The following SIRT4 variants were observed in gnomAD, a reference collection of about 807,000 sequenced individuals.
SIRT4 encodes the protein sirtuin 4, also known as NAD-dependent protein lipoamidase sirtuin-4, mitochondrial.
A neutral mutation model predicts 26.1 loss-of-function variants in SIRT4; 23 were observed. The observed-to-expected ratio is 0.88, with a 90% CI of 0.63 to 1.25. The LOEUF is 1.25. Among genes scored for constraint, SIRT4 ranks in the 50% most tolerant of loss-of-function variants. The pLI is 0.00. For missense variants in SIRT4, 361 were observed against 405.4 expected, an observed-to-expected ratio of 0.89 and a Z score of 0.94; for synonymous variants, 155 against 158.4, an observed-to-expected ratio of 0.98 and a Z score of 0.16.
In SIRT4 at chr12:120,313,231, T is replaced by C. The variant is rs1873066217; in HGVS notation, c.*195T>C. ...AACTCATTTTTTTTAAATAAAAAAT[T>C]GTTCAGCTTTATATGAAATGCTTCA... On this transcript the variant is annotated 3_prime_UTR_variant, in exon 4 of 4. Coordinates refer to ENST00000202967, the MANE Select transcript of SIRT4 (RefSeq NM_012240.3). 1.6e-6 allele frequency: 1 copy of C among 617,686 alleles called. No individual in the cohort carries two copies. Among genetic ancestry groups the C allele is most frequent in the Non-Finnish European group, 2.8e-6 (1 of 362,672 alleles). 38.3% of individuals were successfully genotyped at this position (617,686 alleles called of 1,614,324 possible).
At chr12:120,292,921 TA>T in the SIRT4 span, among the ~76,000 whole-genome samples, 4 of 152,218 alleles carry the variant, frequency 2.6e-5, no homozygotes, top group East Asian at 7.7e-4. Context: ...CCAACTTTCA[TA>T]AACGCAAATC....
chr12:120,307,264 C>T (rs769865582), intron 2 of SIRT4, among the ~76,000 whole-genome samples: 3 of 152,202 alleles, frequency 2.0e-5, no homozygotes, highest in Admixed American at 6.6e-5. Flanking sequence ...GCTGAGGGGG[C>T]GGATCACTTG....
chr12:120,304,054 G>A lies in SIRT4; in HGVS notation c.493G>A (p.Asp165Asn), dbSNP rs2136829888. 6.2e-7 allele frequency: 1 copy of A among 1,606,356 alleles called. No homozygotes were observed. The highest frequency in any genetic ancestry group is 8.5e-7 in the Non-Finnish European group (1 of 1,179,882). Residue 165 changes from aspartate to asparagine, a missense_variant, in exon 2 of 4, where the codon GAC becomes AAC. Coordinates refer to ENST00000202967, the MANE Select transcript of SIRT4 (RefSeq NM_012240.3). Reference protein sequence around the residue: ...RRLTELHGCMDRVLCLDCGEQ... With the variant: ...RRLTELHGCMNRVLCLDCGEQ... ...CCTGACAGAGCTCCACGGATGCATG[G>A]ACAGGTGCAGGAGCTGTACACGGTT...
chr12:120,293,039 C>G, the SIRT4 span: 1 of 149,580 alleles, frequency 6.7e-6, no homozygotes, highest in Non-Finnish European at 1.5e-5. Flanking sequence ...CCTCCCAAAA[C>G]CAAGCACCCC....
intron 2 of SIRT4, among the ~76,000 whole-genome samples, chr12:120,304,830 T>C (rs11065076): frequency 0.22 from 1,362 of 6,296 alleles, 50 homozygotes; most frequent in African/African-American, 0.4. Context: ...TATATATATA[T>C]ATATATTTTT....
chr12:120,292,132 T>C, the SIRT4 span, among the ~76,000 whole-genome samples: 1 of 152,206 alleles, frequency 6.6e-6, no homozygotes, highest in African/African-American at 2.4e-5. Context: ...CTTATGCAAA[T>C]CAACGTGACG....
the SIRT4 span, among the ~76,000 whole-genome samples, chr12:120,296,045 C>G: frequency 7.8e-6 from 1 of 128,528 alleles, no homozygotes; most frequent in Non-Finnish European, 1.6e-5. Context: ...TGAGATCATG[C>G]CACTGTAATC....
At chr12:120,299,145 C>T (rs545969673), upstream of SIRT4, among the ~76,000 whole-genome samples, 192 of 150,674 alleles carry the variant, frequency 1.3e-3, 1 homozygote, top group Non-Finnish European at 8.7e-4. Flanking sequence ...CGCGTGAACC[C>T]GGGAGGCGGA....
At chr12:120,305,728 G>A (rs1473848588) in intron 2 of SIRT4, among the ~76,000 whole-genome samples, 11 of 152,186 alleles carry the variant, frequency 7.2e-5, no homozygotes, top group African/African-American at 2.7e-4. Flanking sequence ...AGAAAATTGT[G>A]TAGGCTGGGC....
At chr12:120,306,246 T>G (rs1373086632) in intron 2 of SIRT4, among the ~76,000 whole-genome samples, 1 of 150,502 alleles carries the variant, frequency 6.6e-6, no homozygotes, top group Non-Finnish European at 1.5e-5. Context: ...GAGGCTGAGT[T>G]GGGCGGATCA....
Position 120,312,518 on chromosome 12 carries a change from TCC to T in SIRT4, c.561_562del (p.Leu188GlufsTer7). The stretch of plus-strand genomic sequence containing the variant: ...GGGGTGCTGCAAGAGCGTTTCCAAG[TCC>T]TGAACCCCACCTGGAGTGCTGAGGC... On this transcript the variant is annotated frameshift_variant, in exon 3 of 4. Transcript: ENST00000202967. LOFTEE classifies it high-confidence loss of function. 1 of 1,614,082 alleles carries T rather than the reference TCC, an allele frequency of 6.2e-7. No individual in the cohort carries two copies. Among genetic ancestry groups the T allele is most frequent in the Non-Finnish European group, 8.5e-7 (1 of 1,180,014 alleles).
At chr12:120,294,541 G>A in the SIRT4 span, among the ~76,000 whole-genome samples, 1 of 152,036 alleles carries the variant, frequency 6.6e-6, no homozygotes, top group Non-Finnish European at 1.5e-5. Flanking sequence ...ACAGCCGTGA[G>A]CCACCGCGCC....
chr12:120,292,446 C>CAAA, the SIRT4 span, among the ~76,000 whole-genome samples: 1 of 151,878 alleles, frequency 6.6e-6, no homozygotes, highest in Non-Finnish European at 1.5e-5. Context: ...ACTAAAAATA[C>CAAA]AAAAAAATCA....
intron 2 of SIRT4, among the ~76,000 whole-genome samples, chr12:120,307,593 C>T (rs1355266819): frequency 6.6e-6 from 1 of 152,194 alleles, no homozygotes; most frequent in Non-Finnish European, 1.5e-5. Flanking sequence ...GGCACGGTGG[C>T]TCACGCCTGT....
the SIRT4 span, among the ~76,000 whole-genome samples, chr12:120,297,229 A>C: frequency 4.0e-4 from 44 of 108,816 alleles, no homozygotes; most frequent in South Asian, 1.2e-3. Flanking sequence ...TCTCAAAATA[A>C]ATAAATACAT....
At chr12:120,300,004 G>T (rs1420083305), upstream of SIRT4, among the ~76,000 whole-genome samples, 4 of 152,160 alleles carry the variant, frequency 2.6e-5, no homozygotes, top group African/African-American at 4.8e-5. Flanking sequence ...AAATAAGCAG[G>T]CCCGGCATGG....
rs770666458 is a variant in SIRT4 at position 120,303,871 on chromosome 12, C to T, written c.310C>T (p.Arg104Trp). 6.2e-6 allele frequency: 10 copies of T among 1,614,044 alleles called. No individual in the cohort carries two copies. The Admixed American group carries it at 6.7e-5, about 11-fold the overall frequency. Residue 104 changes from arginine to tryptophan, a missense_variant, in exon 2 of 4, where the codon CGG becomes TGG. By Grantham distance (101) the Arg-to-Trp change is moderately radical. Transcript: ENST00000202967. The stretch of plus-strand genomic sequence containing the variant: ...TGTCCGGAGTGCCCCAATCCGCCAG[C>T]GGTACTGGGCGAGAAACTTCGTAGG... ...DFVRSAPIRQ[R>W]YWARNFVGWP...
intron 2 of SIRT4, among the ~76,000 whole-genome samples, chr12:120,309,705 G>C (rs1461938604): frequency 6.8e-6 from 1 of 146,908 alleles, no homozygotes; most frequent in African/African-American, 2.5e-5. Flanking sequence ...GAGCCACTGT[G>C]CCCGCTTTCT....
upstream of SIRT4, among the ~76,000 whole-genome samples, chr12:120,299,197 G>A (rs1872454316): frequency 6.7e-6 from 1 of 150,014 alleles, no homozygotes; most frequent in Admixed American, 6.7e-5. Context: ...CTCCAGCCTG[G>A]GCGACAGAGC....
Sources: gnomAD v4.1 joint callset for allele counts (sites outside exome capture counted in the v4.1 genomes callset) on GRCh38, gnomAD v4.1.1 for gene constraint, MANE v1.5 for transcripts, NCBI Gene and HGNC (gene_info 2026-07-23, HGNC 2026-07-21) for gene names.